RLF: variants seen among roughly 807,000 people sequenced by gnomAD.
RLF encodes zinc finger protein Rlf.
RLF carries 7 observed loss-of-function variants against 162.9 expected under a neutral mutation model. The ratio of observed to expected loss-of-function variants is 0.04; its 90% CI spans 0.02 to 0.08. The LOEUF (loss-of-function observed/expected upper bound fraction) is 0.08. Ranked by LOEUF, RLF falls within the 10% of genes least tolerant of loss-of-function variation. The pLI, the probability that RLF is intolerant of heterozygous loss-of-function variation, is 1.00. For synonymous variants in RLF, 782 were observed against 791.5 expected (o/e 0.99, Z 0.20); for missense variants, 1,664 against 2,244.7 (o/e 0.74, Z 5.23).
rs775108331 is a variant in RLF at position 40,236,904 on chromosome 1, A to G, written c.2202A>G (p.Gln734=). 2 of 1,614,082 alleles carry G rather than the reference A, an allele frequency of 1.2e-6. No individual in the cohort carries two copies. The highest frequency in any genetic ancestry group is 2.7e-5 in the African/African-American group (2 of 74,946). Reference sequence around the variant, plus strand: ...CTTTTCACCTTCGAGAGCACGAACAAGTGCATTGTGGGCCTCAGCCTTATA... The same window carrying G: ...CTTTTCACCTTCGAGAGCACGAACAGGTGCATTGTGGGCCTCAGCCTTATA... ...MSAFHLREHE[Q]VHCGPQPYMC... The change falls in exon 8 of 8, where the codon CAA becomes CAG. Residue 734 remains glutamine (Q), a synonymous_variant. Transcript: ENST00000372771. This position sits in a 1 kb window ranked among gnomAD's most constrained non-coding sequence, Gnocchi z 7.7.
At chr1:40,233,117 A>T (rs1417169605) in intron 7 of RLF, among the ~76,000 whole-genome samples, 1 of 151,360 alleles carries the variant, frequency 6.6e-6, no homozygotes, top group Non-Finnish European at 1.5e-5. Context: ...AAAAGCAAAG[A>T]TTGAATGACT....
chr1:40,212,196 C>G (rs1415517827), intron 5 of RLF, among the ~76,000 whole-genome samples: 2 of 152,142 alleles, frequency 1.3e-5, no homozygotes, highest in Non-Finnish European at 2.9e-5. Context: ...CAATAATAGG[C>G]ATATGTAATG....
intron 1 of RLF, among the ~76,000 whole-genome samples, chr1:40,185,824 C>T (rs1417092227): frequency 1.4e-4 from 8 of 58,434 alleles, no homozygotes; most frequent in African/African-American, 5.2e-4. Flanking sequence ...GTGAGACTGT[C>T]TCAAAAAAAA....
At chr1:40,232,998 G>A (rs1332041095) in intron 7 of RLF, among the ~76,000 whole-genome samples, 4 of 151,364 alleles carry the variant, frequency 2.6e-5, no homozygotes, top group African/African-American at 4.9e-5. Flanking sequence ...ATAGGTGTAA[G>A]CTGCCCCACC....
chr1:40,170,362 A>G (rs1192677082), intron 1 of RLF, among the ~76,000 whole-genome samples: 1 of 152,032 alleles, frequency 6.6e-6, no homozygotes, highest in African/African-American at 2.4e-5. Context: ...TCCCAGGCTT[A>G]GGCAGTTGTC....
rs112240793 is a variant in RLF at position 40,232,768 on chromosome 1, G to A, written c.1089+1110G>A. 3.4e-3 allele frequency among the ~76,000 whole-genome samples: 518 copies of A among 152,272 alleles called. 1 individual carries two copies. Among genetic ancestry groups the A allele is most frequent in the African/African-American group, 0.01 (435 of 41,552 alleles). On this transcript the variant is annotated intron_variant, in intron 7 of 7. Coordinates refer to ENST00000372771, the MANE Select transcript of RLF (RefSeq NM_012421.4). The stretch of plus-strand genomic sequence containing the variant: ...CACCCAGGCTGTAGTGCAGTGGTGC[G>A]ATCATAGCTCATTACAGCTTCAAAC...
intron 7 of RLF, among the ~76,000 whole-genome samples, chr1:40,234,627 C>T (rs1178771295): frequency 6.6e-6 from 1 of 152,174 alleles, no homozygotes; most frequent in East Asian, 1.9e-4. Flanking sequence ...TATCATTTTA[C>T]CAATAAGGAA....
Position 40,206,811 on chromosome 1 carries a change from C to T in RLF, c.810+4197C>T, listed in dbSNP as rs375228272. ...GCTTTGTGCTTGCTATTCCCTCTGA[C>T]GAGAATTGCCTTCCACAAGATAATT... On this transcript the variant is annotated intron_variant, in intron 5 of 7. Coordinates refer to ENST00000372771, the MANE Select transcript of RLF (RefSeq NM_012421.4). 2.1e-4 allele frequency among the ~76,000 whole-genome samples: 32 copies of T among 152,272 alleles called. 1 individual carries two copies. Among genetic ancestry groups the T allele is most frequent in the East Asian group, 3.9e-4 (2 of 5,184 alleles).
intron 1 of RLF, among the ~76,000 whole-genome samples, chr1:40,188,412 A>T (rs1642514070): frequency 6.6e-6 from 1 of 152,206 alleles, no homozygotes; most frequent in African/African-American, 2.4e-5. Flanking sequence ...CCTGTGTGGT[A>T]AGAGGACTAT....
chr1:40,200,699 G>A (rs1642699726), intron 4 of RLF, among the ~76,000 whole-genome samples: 1 of 151,726 alleles, frequency 6.6e-6, no homozygotes, highest in Non-Finnish European at 1.5e-5. Context: ...CAGGGTAGGA[G>A]GGAGAAAAAC....
chr1:40,185,702 C>T (rs1642467367), intron 1 of RLF, among the ~76,000 whole-genome samples: 1 of 143,342 alleles, frequency 7.0e-6, no homozygotes. Flanking sequence ...GTGGCGGGTG[C>T]CTGTAGTCCC....
At chr1:40,204,457 A>G (rs978100125) in intron 5 of RLF, among the ~76,000 whole-genome samples, 3 of 152,192 alleles carry the variant, frequency 2.0e-5, no homozygotes, top group African/African-American at 7.2e-5. Flanking sequence ...ACTCCAGGCT[A>G]GAGTGTGGTG....
At chr1:40,200,686 G>C (rs1403968628) in intron 4 of RLF, among the ~76,000 whole-genome samples, 3 of 151,640 alleles carry the variant, frequency 2.0e-5, no homozygotes, top group African/African-American at 7.3e-5. Context: ...AGAGCACTGG[G>C]GTCAGGGTAG....
chr1:40,226,845 T>A (rs191696888), intron 6 of RLF, among the ~76,000 whole-genome samples: 5 of 152,194 alleles, frequency 3.3e-5, no homozygotes, highest in Admixed American at 1.3e-4. Context: ...GATGTTTGTA[T>A]GTATATATGT....
intron 6 of RLF, among the ~76,000 whole-genome samples, chr1:40,224,803 A>G (rs1181271187): frequency 6.7e-6 from 1 of 149,940 alleles, no homozygotes; most frequent in Non-Finnish European, 1.5e-5. Context: ...CCTGACCAAC[A>G]TGGTGAAACC....
chr1:40,228,752 C>A (rs1381794498), intron 6 of RLF, among the ~76,000 whole-genome samples: 1 of 152,012 alleles, frequency 6.6e-6, no homozygotes, highest in African/African-American at 2.4e-5. Context: ...TTCCAAGTAT[C>A]TGGGATTATA....
In RLF at chr1:40,236,144, A is replaced by T; in HGVS notation, c.1442A>T (p.Gln481Leu). Residue 481 changes from glutamine to leucine, a missense_variant, in exon 8 of 8, where the codon CAA becomes CTA. Transcript: ENST00000372771. The surrounding 1 kb of genome is among the most constrained non-coding windows in gnomAD (Gnocchi z 7.7). Reference sequence around the variant, plus strand: ...AAAACTTTAAAACGACACTGCCACCAACTTTTAGGACAAGAAGCCTCAGAT... The same window carrying T: ...AAAACTTTAAAACGACACTGCCACCTACTTTTAGGACAAGAAGCCTCAGAT... ...DWKTLKRHCH[Q>L]LLGQEASDSD... The T allele has an allele frequency of 6.2e-7, 1 of 1,613,996 alleles. No homozygotes were observed.
At chr1:40,173,514 A>ATTTTT in intron 1 of RLF, among the ~76,000 whole-genome samples, 1 of 142,618 alleles carries the variant, frequency 7.0e-6, no homozygotes, top group African/African-American at 2.6e-5. Flanking sequence ...TGATCATGTA[A>ATTTTT]TTTTTTTTTT....
intron 5 of RLF, among the ~76,000 whole-genome samples, chr1:40,211,014 T>C (rs1052595199): frequency 3.3e-5 from 5 of 152,242 alleles, no homozygotes; most frequent in Non-Finnish European, 5.9e-5. Context: ...CCCAGCTACC[T>C]GTTTTTATAA....
Sources: gnomAD v4.1 joint callset for allele counts (sites outside exome capture counted in the v4.1 genomes callset) on GRCh38, gnomAD v4.1.1 for gene constraint, Gnocchi (gnomAD v3.1) non-coding constraint, MANE v1.5 for transcripts, NCBI Gene and HGNC (gene_info 2026-07-23, HGNC 2026-07-21) for gene names.